ITPR3: variants seen among roughly 807,000 people sequenced by gnomAD.
The protein encoded by ITPR3 is inositol 1,4,5-trisphosphate receptor type 3.
A neutral mutation model predicts 293.2 loss-of-function variants in ITPR3; 173 were observed. The ratio of observed to expected loss-of-function variants is 0.59; its 90% CI spans 0.52 to 0.67. The LOEUF (loss-of-function observed/expected upper bound fraction) is 0.67, where lower values mean the gene tolerates loss of function less well. Ranked by LOEUF, ITPR3 falls within the 30% of genes least tolerant of loss-of-function variation. The pLI is 0.00. For missense variants in ITPR3, 2,796 were observed against 3,592.1 expected, an observed-to-expected ratio of 0.78 and a Z score of 5.66; for synonymous variants, 1,295 against 1,444.4, an observed-to-expected ratio of 0.90 and a Z score of 2.35.
rs1220539480 is a variant in ITPR3 at position 33,664,154 on chromosome 6, G to A, written c.1148+274G>A. Reference sequence around the variant, plus strand: ...GTTTGTCTAGGACACCAGCAGCACAGGGAACCCAAACACTGGATGGGAAGG... The same window carrying A: ...GTTTGTCTAGGACACCAGCAGCACAAGGAACCCAAACACTGGATGGGAAGG... On this transcript the variant is annotated intron_variant, in intron 11 of 57. Coordinates refer to ENST00000605930, the MANE Select transcript of ITPR3 (RefSeq NM_002224.4). This position sits in a 1 kb window ranked among gnomAD's most constrained non-coding sequence, Gnocchi z 4.4. 6.6e-6 allele frequency among the ~76,000 whole-genome samples: 1 copy of A among 152,222 alleles called. No individual in the cohort carries two copies. The highest frequency in any genetic ancestry group is 1.5e-5 in the Non-Finnish European group (1 of 68,040).
intron 33 of ITPR3, among the ~76,000 whole-genome samples, chr6:33,681,882 TTA>T (rs976362213): frequency 2.6e-5 from 4 of 151,814 alleles, no homozygotes; most frequent in Non-Finnish European, 4.4e-5. Context: ...TCTCAAAGTG[TTA>T]TGTTTTTTTT....
Position 33,665,097 on chromosome 6 carries a change from C to T in ITPR3, c.1293C>T (p.Ile431=), listed in dbSNP as rs373612197. Residue 431 remains isoleucine (I), a synonymous_variant, in exon 13 of 58, where the codon ATC becomes ATT. Transcript: ENST00000605930. Reference sequence around the variant, plus strand: ...AGGAGGACAAGGAGGCCTTTGCCATCGTGTCAGTGCCCGTGTCTGAGATCC... The same window carrying T: ...AGGAGGACAAGGAGGCCTTTGCCATTGTGTCAGTGCCCGTGTCTGAGATCC... ...PTKEDKEAFA[I]VSVPVSEIRD... is the part of the protein sequence containing the mutation. 1.1e-5 allele frequency: 17 copies of T among 1,614,104 alleles called. No individual in the cohort carries two copies. Among genetic ancestry groups the T allele is most frequent in the African/African-American group, 9.3e-5 (7 of 75,054 alleles).
chr6:33,621,470 G>A lies in ITPR3; in HGVS notation c.-133G>A. The A allele has an allele frequency of 6.8e-6, 4 of 584,318 alleles. No homozygotes were observed. Among genetic ancestry groups the A allele is most frequent in the Non-Finnish European group, 1.2e-5 (4 of 344,710 alleles). The allele number at this position is 584,318 out of a possible 1,614,324, so 36.2% of individuals were successfully genotyped here. On this transcript the variant is annotated 5_prime_UTR_variant, in exon 1 of 58. Coordinates refer to ENST00000605930, the MANE Select transcript of ITPR3 (RefSeq NM_002224.4). This position sits in a 1 kb window ranked among gnomAD's most constrained non-coding sequence, Gnocchi z 7.7. ...CTCCCGTGGCCGCCAGCCCGCCCCG[G>A]CCGCACCGAGCGTCGGGATCCGAGG...
chr6:33,688,353 C>G lies in ITPR3; in HGVS notation c.6490C>G (p.Gln2164Glu). ...CTTCACCACTACTGAGCAGGACGAGCAGGGCAGCAAAGTGAGCGACTTCTT... is the reference window on the plus strand; with the variant it reads ...CTTCACCACTACTGAGCAGGACGAGGAGGGCAGCAAAGTGAGCGACTTCTT... ...RLFTTTEQDEQGSKVSDFFDQ... is the reference protein window; with the variant it reads ...RLFTTTEQDEEGSKVSDFFDQ... The change falls in exon 48 of 58, where the codon CAG (glutamine) becomes GAG (glutamate). Residue 2164 changes from glutamine (Q) to glutamate (E), a missense_variant. Transcript: ENST00000605930. The G allele has an allele frequency of 6.2e-7, 1 of 1,612,040 alleles. No homozygotes were observed. The highest frequency in any genetic ancestry group is 8.5e-7 in the Non-Finnish European group (1 of 1,179,606).
chr6:33,674,106 T>C, intron 23 of ITPR3, 102 bp from the exon 24 acceptor site: 1 of 1,387,466 alleles, frequency 7.2e-7, no homozygotes, highest in East Asian at 2.4e-5. Context: ...GCAGCTGCTG[T>C]GCAGCCAGTG....
At chr6:33,639,328 G>A (rs138886796) in intron 1 of ITPR3, among the ~76,000 whole-genome samples, 22,248 of 148,654 alleles carry the variant, frequency 0.15, 1,734 homozygotes, top group Non-Finnish European at 0.17. Context: ...GCAGTGAGTC[G>A]AGATTGCGCC....
chr6:33,678,605 C>A lies in ITPR3; in HGVS notation c.3772-34C>A, dbSNP rs763724379. ...GGGGATGGGGGGTGGGGGCGGGGCCCAGATCTCTTTCTGACAGATGCCCCC... is the reference window on the plus strand; with the variant it reads ...GGGGATGGGGGGTGGGGGCGGGGCCAAGATCTCTTTCTGACAGATGCCCCC... On this transcript the variant is annotated intron_variant, in intron 29 of 57. Coordinates refer to ENST00000605930, the MANE Select transcript of ITPR3 (RefSeq NM_002224.4). The A allele has an allele frequency of 3.0e-5, 47 of 1,593,080 alleles. No homozygotes were observed. In the Middle Eastern group the frequency reaches 5.0e-4, roughly 17 times the overall value.
At chr6:33,694,556 C>T (rs895659007) in intron 56 of ITPR3, 2 of 265,590 alleles carry the variant, frequency 7.5e-6, no homozygotes, top group Non-Finnish European at 1.5e-5. Context: ...GTCAGGCAGG[C>T]GGGCGGGAGG....
intron 2 of ITPR3, among the ~76,000 whole-genome samples, chr6:33,651,141 G>GT (rs1221692574): frequency 6.6e-6 from 1 of 152,100 alleles, no homozygotes; most frequent in African/African-American, 2.4e-5. Context: ...GCCGGGCGTG[G>GT]TGGCACGCGC....
At position 33,663,800 on chromosome 6, in the gene ITPR3, T is replaced by C; in HGVS notation, c.1068T>C (p.Ala356=). ...AGAAGATCAAGTACTGCCTGGTGGC[T>C]GTGCCTCATGGCAATGACATCGCCT... ...AGEKIKYCLV[A]VPHGNDIASL... Residue 356 remains alanine (A), a synonymous_variant, in exon 11 of 58, where the codon GCT becomes GCC. Transcript: ENST00000605930. 6.2e-7 allele frequency: 1 copy of C among 1,614,172 alleles called. No homozygotes were observed. The highest frequency in any genetic ancestry group is 1.1e-5 in the South Asian group (1 of 91,086).
chr6:33,621,705 G>A lies in ITPR3; in HGVS notation c.89+14G>A. The A allele has an allele frequency of 1.3e-6, 2 of 1,587,842 alleles. No homozygotes were observed. The highest frequency in any genetic ancestry group is 8.6e-7 in the Non-Finnish European group (1 of 1,165,528). On this transcript the variant is annotated intron_variant, in intron 1 of 57. Transcript: ENST00000605930. The surrounding 1 kb of genome is among the most constrained non-coding windows in gnomAD (Gnocchi z 7.7). ...CAGCACTTTGGGGTGAGTGAGCCGA[G>A]CTCGAGAGGGGCGCGGGTAAAGAGG...
Position 33,678,712 on chromosome 6 carries a change from T to A in ITPR3, c.3845T>A (p.Val1282Glu), listed in dbSNP as rs2127296600. ...YQLCSEISEP[V>E]LQHFVHLLAT... is the part of the protein sequence containing the mutation. ...CTCTGCTCCGAGATCAGCGAGCCTG[T>A]GTTGCAGCACTTCGTGCACCTGCTG... Residue 1282 changes from valine to glutamate, a missense_variant, in exon 30 of 58, where the codon GTG (valine) becomes GAG (glutamate). Around this residue, in one of 8 missense-constraint regions of ITPR3, gnomAD observed 344 missense variants for 460.3 expected, o/e 0.75. Coordinates refer to ENST00000605930, the MANE Select transcript of ITPR3 (RefSeq NM_002224.4). The A allele has an allele frequency of 6.2e-7, 1 of 1,613,388 alleles. No individual in the cohort carries two copies. Among genetic ancestry groups the A allele is most frequent in the African/African-American group, 1.3e-5 (1 of 75,036 alleles).
intron 1 of ITPR3, among the ~76,000 whole-genome samples, 190 bp from the exon 2 acceptor site, chr6:33,640,294 G>C (rs1020450562): frequency 3.9e-5 from 6 of 152,098 alleles, no homozygotes; most frequent in Admixed American, 6.5e-5. Flanking sequence ...GGTTCTCCCC[G>C]CCCCCAAGAG....
chr6:33,670,792 GAGA>G lies in ITPR3; in HGVS notation c.2568_2570del (p.Lys856del), dbSNP rs1460382180. 3.7e-6 allele frequency: 6 copies of G among 1,613,868 alleles called. No homozygotes were observed. Among genetic ancestry groups the G allele is most frequent in the Middle Eastern group, 1.6e-4 (1 of 6,084 alleles). On this transcript the variant is annotated inframe_deletion, in exon 20 of 58. Coordinates refer to ENST00000605930, the MANE Select transcript of ITPR3 (RefSeq NM_002224.4). The surrounding 1 kb of genome is among the most constrained non-coding windows in gnomAD (Gnocchi z 6.7). ...CGAGGCCGTGCCCTTTGCCAACGAG[GAGA>G]AGAACAAGCTCACTTTTGAGGTGGC...
At chr6:33,665,789 C>A (rs752845495) in intron 13 of ITPR3, 46 bp from the exon 14 acceptor site, 2 of 1,606,384 alleles carry the variant, frequency 1.2e-6, no homozygotes, top group Non-Finnish European at 1.7e-6. Flanking sequence ...GGGACACCTG[C>A]TGGGTGGGTA....
chr6:33,644,180 ACT>A (rs1764013356), intron 2 of ITPR3, among the ~76,000 whole-genome samples: 1 of 137,208 alleles, frequency 7.3e-6, no homozygotes, highest in Non-Finnish European at 1.6e-5. Context: ...ACAGAGCAAG[ACT>A]CTGTCTCAGG....
Position 33,668,983 on chromosome 6 carries a change from C to G in ITPR3, c.2016C>G (p.Pro672=), listed in dbSNP as rs150364600. Residue 672 remains proline, a synonymous_variant, in exon 18 of 58, where the codon CCC becomes CCG. Coordinates refer to ENST00000605930, the MANE Select transcript of ITPR3 (RefSeq NM_002224.4). ...TGCTGGTGGTCTGCAGGCTTCGGCCCGTGAAGGAGATGGCCCAATCCCACG... is the reference window on the plus strand; with the variant it reads ...TGCTGGTGGTCTGCAGGCTTCGGCCGGTGAAGGAGATGGCCCAATCCCACG... The part of the protein sequence containing the change: ...SDILIRTELR[P]VKEMAQSHEY... 222 of 1,613,586 alleles carry G rather than the reference C, an allele frequency of 1.4e-4. No homozygotes were observed. The African/African-American group carries it at 2.5e-3, about 18-fold the overall frequency.
chr6:33,621,911 C>T lies in ITPR3; in HGVS notation c.89+220C>T, dbSNP rs1204195903. On this transcript the variant is annotated intron_variant, in intron 1 of 57. Coordinates refer to ENST00000605930, the MANE Select transcript of ITPR3 (RefSeq NM_002224.4). The surrounding 1 kb of genome is among the most constrained non-coding windows in gnomAD (Gnocchi z 7.7). ...TACTGGAGTTGGCAGGAGGAGCCTC[C>T]CTCGGCGGCGCAGCCTCTACCCTCC... 1.3e-5 allele frequency among the ~76,000 whole-genome samples: 2 copies of T among 152,200 alleles called. No homozygotes were observed. The highest frequency in any genetic ancestry group is 2.9e-5 in the Non-Finnish European group (2 of 68,034).
rs961798830 is a variant in ITPR3 at position 33,633,019 on chromosome 6, G to A, written c.90-7465G>A. On this transcript the variant is annotated intron_variant, in intron 1 of 57. Coordinates refer to ENST00000605930, the MANE Select transcript of ITPR3 (RefSeq NM_002224.4). The surrounding 1 kb of genome is among the most constrained non-coding windows in gnomAD (Gnocchi z 5.2). ...TCTGTGGGCCTCACTCTGGACTGTG[G>A]TAAGAACACAATGAGATACTGGATG... 3.9e-5 allele frequency among the ~76,000 whole-genome samples: 6 copies of A among 152,244 alleles called. No individual in the cohort carries two copies. The highest frequency in any genetic ancestry group is 6.5e-5 in the Admixed American group (1 of 15,288).
Sources: allele counts gnomAD v4.1 joint callset (sites outside exome capture counted in the v4.1 genomes callset), GRCh38; gene constraint gnomAD v4.1.1; regional missense constraint gnomAD v4.1.1; non-coding constraint Gnocchi (gnomAD v3.1); transcripts MANE v1.5; gene names NCBI Gene and HGNC (gene_info 2026-07-23, HGNC 2026-07-21).